KIRREL3: variants seen among roughly 807,000 people sequenced by gnomAD.
KIRREL3 encodes kirre like nephrin family adhesion molecule 3, also known as kin of IRRE-like protein 3.
In KIRREL3, 36 loss-of-function variants were observed where a neutral mutation model predicts 89.7. The observed-to-expected ratio is 0.40, with a 90% confidence interval of 0.31 to 0.53. KIRREL3 has a LOEUF of 0.53. Ranked by LOEUF, KIRREL3 falls within the 20% of genes least tolerant of loss-of-function variation. The probability of loss-of-function intolerance (pLI) is 0.49; values close to 1 mark genes in which losing one functional copy is unlikely to be tolerated. For synonymous variants in KIRREL3, 445 were observed against 441.4 expected, an observed-to-expected ratio of 1.01 and a Z score of -0.10; for missense variants, 864 against 1,056.6, an observed-to-expected ratio of 0.82 and a Z score of 2.53.
rs1306340088 is a variant in KIRREL3 at position 126,492,832 on chromosome 11, G to T, written c.434-19366C>A. Among the ~76,000 whole-genome samples the T allele has an allele frequency of 2.0e-5, 3 of 152,138 alleles. No individual in the cohort carries two copies. Among genetic ancestry groups the T allele is most frequent in the African/African-American group, 7.2e-5 (3 of 41,426 alleles). ...TCCTCTTGGATGCTCTGGAGAGGGAGGGGGCAGGACTAGATAGAGACCTCC... is the reference window on the plus strand; with the variant it reads ...TCCTCTTGGATGCTCTGGAGAGGGATGGGGCAGGACTAGATAGAGACCTCC... On this transcript the variant is annotated intron_variant, in intron 4 of 16. Coordinates refer to ENST00000525144, the MANE Select transcript of KIRREL3 (RefSeq NM_032531.4). The surrounding 1 kb of genome is among the most constrained non-coding windows in gnomAD (Gnocchi z 4.8).
chr11:126,517,731 A>G (rs1009682349), intron 4 of KIRREL3, among the ~76,000 whole-genome samples: 4 of 152,326 alleles, frequency 2.6e-5, no homozygotes, highest in Admixed American at 6.5e-5. Context: ...GACTCCTTAC[A>G]GTGGAAGTCA....
At chr11:126,714,999 G>A (rs759600766) in intron 1 of KIRREL3, among the ~76,000 whole-genome samples, 1 of 152,148 alleles carries the variant, frequency 6.6e-6, no homozygotes, top group Non-Finnish European at 1.5e-5. Context: ...GAAGACTCAG[G>A]CTTCATCTTT....
In KIRREL3 at chr11:126,530,642, C is replaced by T. The variant is rs1020898373; in HGVS notation, c.134-3955G>A. ...GTGCCCCCTCCCCATCACACCTGGG[C>T]GTCTCAGATGGAGCACAGAGTAGGT... On this transcript the variant is annotated intron_variant, in intron 2 of 16. Coordinates refer to ENST00000525144, the MANE Select transcript of KIRREL3 (RefSeq NM_032531.4). This position sits in a 1 kb window ranked among gnomAD's most constrained non-coding sequence, Gnocchi z 5.8. Among the ~76,000 whole-genome samples, 2 of 152,104 alleles carry T rather than the reference C, an allele frequency of 1.3e-5. No individual in the cohort carries two copies. The highest frequency in any genetic ancestry group is 6.5e-5 in the Admixed American group (1 of 15,270).
At chr11:126,617,895 C>T (rs760426353) in intron 1 of KIRREL3, among the ~76,000 whole-genome samples, 6 of 152,224 alleles carry the variant, frequency 3.9e-5, no homozygotes, top group Non-Finnish European at 8.8e-5. Flanking sequence ...ATGTGAATCT[C>T]AGAGGTAAAA....
rs1185129818 is a variant in KIRREL3 at position 126,999,329 on chromosome 11, G to A, written c.55+1126C>T. ...AAGCACGGGTGGAAGAGCAGAAGAAGGAAGCCAGGTTTTTGCTTATATTTG... is the reference window on the plus strand; with the variant it reads ...AAGCACGGGTGGAAGAGCAGAAGAAAGAAGCCAGGTTTTTGCTTATATTTG... On this transcript the variant is annotated intron_variant, in intron 1 of 16. Transcript: ENST00000525144. This position sits in a 1 kb window ranked among gnomAD's most constrained non-coding sequence, Gnocchi z 5.7. Among the ~76,000 whole-genome samples the A allele has an allele frequency of 1.3e-5, 2 of 152,238 alleles. No individual in the cohort carries two copies. The highest frequency in any genetic ancestry group is 2.4e-5 in the African/African-American group (1 of 41,462).
rs764937842 is a variant in KIRREL3, at chr11:126,651,062, C to A, written c.56-88150G>T. ...GAGAACAGTATGGGGGAAACCACCC[C>A]CATGATTCAAATTATCTCCCACCGG... On this transcript the variant is annotated intron_variant, in intron 1 of 16. Coordinates refer to ENST00000525144, the MANE Select transcript of KIRREL3 (RefSeq NM_032531.4). The surrounding 1 kb of genome is among the most constrained non-coding windows in gnomAD (Gnocchi z 4.6). 4.6e-5 allele frequency among the ~76,000 whole-genome samples: 7 copies of A among 152,146 alleles called. No homozygotes were observed. The highest frequency in any genetic ancestry group is 7.2e-5 in the African/African-American group (3 of 41,426).
In KIRREL3 at chr11:126,965,967, C is replaced by T. The variant is rs1184916003; in HGVS notation, c.55+34488G>A. ...AAAGTTACTTCAATCTACTTTAAATCTTTGGAAGGAACAAATGGGGTCTTG... is the reference window on the plus strand; with the variant it reads ...AAAGTTACTTCAATCTACTTTAAATTTTTGGAAGGAACAAATGGGGTCTTG... On this transcript the variant is annotated intron_variant, in intron 1 of 16. Coordinates refer to ENST00000525144, the MANE Select transcript of KIRREL3 (RefSeq NM_032531.4). This position sits in a 1 kb window ranked among gnomAD's most constrained non-coding sequence, Gnocchi z 4.4. Among the ~76,000 whole-genome samples the T allele has an allele frequency of 1.3e-5, 2 of 152,128 alleles. No homozygotes were observed. The highest frequency in any genetic ancestry group is 4.8e-5 in the African/African-American group (2 of 41,434).
intron 2 of KIRREL3, among the ~76,000 whole-genome samples, chr11:126,543,619 C>T (rs1938545339): frequency 1.3e-5 from 2 of 152,130 alleles, no homozygotes; most frequent in African/African-American, 2.4e-5. Flanking sequence ...TACCTGCCCC[C>T]AGCTGAGCTC....
At chr11:126,625,239 C>T (rs1943733016) in intron 1 of KIRREL3, among the ~76,000 whole-genome samples, 1 of 152,184 alleles carries the variant, frequency 6.6e-6, no homozygotes, top group Non-Finnish European at 1.5e-5. Context: ...TCAGCTTCCT[C>T]AAGGTCATGG....
At chr11:126,894,456 C>G (rs1404355633) in intron 1 of KIRREL3, among the ~76,000 whole-genome samples, 1 of 144,412 alleles carries the variant, frequency 6.9e-6, no homozygotes, top group African/African-American at 2.6e-5. Context: ...TGCTTATGAC[C>G]CTAACAGTTT....
At position 126,492,963 on chromosome 11, in the gene KIRREL3, CA is replaced by C. The variant is rs1337359468; in HGVS notation, c.434-19498del. Among the ~76,000 whole-genome samples the C allele has an allele frequency of 6.6e-6, 1 of 152,192 alleles. No homozygotes were observed. Among genetic ancestry groups the C allele is most frequent in the Non-Finnish European group, 1.5e-5 (1 of 68,042 alleles). ...CTTCCTGGCCGTGGGCTGAGTGACC[CA>C]AAAGGCCGTAGAACAGCCTCGGTGC... On this transcript the variant is annotated intron_variant, in intron 4 of 16. Transcript: ENST00000525144. The surrounding 1 kb of genome is among the most constrained non-coding windows in gnomAD (Gnocchi z 4.8).
At chr11:126,453,136 T>A (rs1017339169) in intron 7 of KIRREL3, among the ~76,000 whole-genome samples, 3 of 132,752 alleles carry the variant, frequency 2.3e-5, no homozygotes, top group African/African-American at 8.4e-5. Flanking sequence ...CCTCTCCCAA[T>A]CAATGTCTAA....
intron 1 of KIRREL3, among the ~76,000 whole-genome samples, chr11:126,874,274 T>C (rs901178390): frequency 6.6e-6 from 1 of 152,344 alleles, no homozygotes; most frequent in South Asian, 2.1e-4. Context: ...TCCCTTCCCT[T>C]GAGACATGGC....
intron 1 of KIRREL3, among the ~76,000 whole-genome samples, chr11:126,596,891 G>A (rs937676135): frequency 1.3e-5 from 2 of 152,186 alleles, no homozygotes; most frequent in African/African-American, 4.8e-5. Flanking sequence ...GCAGTTTCCT[G>A]GCCTAAAGGA....
Position 126,977,728 on chromosome 11 carries a change from A to G in KIRREL3, c.55+22727T>C, listed in dbSNP as rs778242374. ...AGAGTCCCTTATTGATTTTTCCCCAACCTTCTGAATGATCAAGCTGCTTGT... is the reference window on the plus strand; with the variant it reads ...AGAGTCCCTTATTGATTTTTCCCCAGCCTTCTGAATGATCAAGCTGCTTGT... On this transcript the variant is annotated intron_variant, in intron 1 of 16. Coordinates refer to ENST00000525144, the MANE Select transcript of KIRREL3 (RefSeq NM_032531.4). The surrounding 1 kb of genome is among the most constrained non-coding windows in gnomAD (Gnocchi z 4.7). Among the ~76,000 whole-genome samples the G allele has an allele frequency of 1.8e-4, 28 of 152,124 alleles. No individual in the cohort carries two copies. Among genetic ancestry groups the G allele is most frequent in the Non-Finnish European group, 2.5e-4 (17 of 68,028 alleles).
rs976393149 is a variant in KIRREL3 at position 126,640,592 on chromosome 11, A to C, written c.56-77680T>G. Among the ~76,000 whole-genome samples the C allele has an allele frequency of 2.0e-5, 3 of 152,092 alleles. No individual in the cohort carries two copies. The highest frequency in any genetic ancestry group is 4.4e-5 in the Non-Finnish European group (3 of 67,998). On this transcript the variant is annotated intron_variant, in intron 1 of 16. Coordinates refer to ENST00000525144, the MANE Select transcript of KIRREL3 (RefSeq NM_032531.4). The surrounding 1 kb of genome is among the most constrained non-coding windows in gnomAD (Gnocchi z 4.9). ...CGAAGAGGGTCCAGCAGTCAGATTA[A>C]TACACCTCATAGCATTTAGTCTGAA...
intron 1 of KIRREL3, among the ~76,000 whole-genome samples, chr11:126,967,806 C>T (rs1049785902): frequency 2.0e-5 from 3 of 152,078 alleles, no homozygotes; most frequent in Non-Finnish European, 4.4e-5. Context: ...TTTTGCTTGT[C>T]GCAGCTGGGG....
chr11:126,912,806 T>C lies in KIRREL3; in HGVS notation c.55+87649A>G, dbSNP rs1381484999. 6.6e-6 allele frequency among the ~76,000 whole-genome samples: 1 copy of C among 152,246 alleles called. No homozygotes were observed. The highest frequency in any genetic ancestry group is 1.5e-5 in the Non-Finnish European group (1 of 68,048). On this transcript the variant is annotated intron_variant, in intron 1 of 16. Transcript: ENST00000525144. This position sits in a 1 kb window ranked among gnomAD's most constrained non-coding sequence, Gnocchi z 4.7. ...CAGGTGAAGTATAGCGAAGAGGAAC[T>C]TGGCGTGATAATGGAACCTAGTGAT...
rs1426801102 is a variant in KIRREL3, at chr11:126,684,853, G to A, written c.56-121941C>T. ...GTAGTGTTGGCTTGGACCACAGCGGGAGGGACCTGGGAAGAGGGAGAAGTT... is the reference window on the plus strand; with the variant it reads ...GTAGTGTTGGCTTGGACCACAGCGGAAGGGACCTGGGAAGAGGGAGAAGTT... On this transcript the variant is annotated intron_variant, in intron 1 of 16. Transcript: ENST00000525144. The surrounding 1 kb of genome is among the most constrained non-coding windows in gnomAD (Gnocchi z 4.2). 1.3e-5 allele frequency among the ~76,000 whole-genome samples: 2 copies of A among 152,172 alleles called. No homozygotes were observed. Among genetic ancestry groups the A allele is most frequent in the Admixed American group, 6.5e-5 (1 of 15,282 alleles).
Sources: allele counts gnomAD v4.1 joint callset (sites outside exome capture counted in the v4.1 genomes callset), GRCh38; gene constraint gnomAD v4.1.1; non-coding constraint Gnocchi (gnomAD v3.1); transcripts MANE v1.5; gene names NCBI Gene and HGNC (gene_info 2026-07-23, HGNC 2026-07-21).